Variants in MAST4 observed in about 807,000 individuals in gnomAD.
The protein encoded by MAST4 is microtubule-associated serine/threonine-protein kinase 4.
Under a neutral mutation model 162.7 loss-of-function variants are expected in MAST4, and 89 were observed. The observed-to-expected ratio is 0.55, with a 90% CI of 0.46 to 0.65. The LOEUF (loss-of-function observed/expected upper bound fraction) is 0.65, where lower values mean the gene tolerates loss of function less well. MAST4 is among the 30% of genes least tolerant of loss of function. The pLI is 0.00. For synonymous variants in MAST4, 1,479 were observed against 1,361.1 expected (o/e 1.09, Z -1.91); for missense variants, 3,153 against 3,374.0 (o/e 0.93, Z 1.62).
chr5:66,865,444 A>G (rs1185941923), intron 3 of MAST4, among the ~76,000 whole-genome samples: 1 of 152,222 alleles, frequency 6.6e-6, no homozygotes, highest in East Asian at 1.9e-4. Context: ...ATATTTTTAA[A>G]TATGTATAAG....
intron 1 of MAST4, among the ~76,000 whole-genome samples, chr5:66,633,137 C>G (rs1018131999): frequency 6.6e-6 from 1 of 152,162 alleles, no homozygotes; most frequent in Non-Finnish European, 1.5e-5. Flanking sequence ...GGCTCAAATA[C>G]CCCAGTTTGA....
At chr5:66,673,853 T>G (rs970343787) in intron 1 of MAST4, among the ~76,000 whole-genome samples, 3 of 152,218 alleles carry the variant, frequency 2.0e-5, no homozygotes, top group African/African-American at 7.2e-5. Flanking sequence ...ATGGAAAGTT[T>G]TAATTTCCTT....
At chr5:66,817,878 G>A (rs894400876) in intron 3 of MAST4, among the ~76,000 whole-genome samples, 10 of 152,124 alleles carry the variant, frequency 6.6e-5, no homozygotes, top group African/African-American at 2.4e-4. Flanking sequence ...TGATTTTTAA[G>A]GATAATGTGC....
At chr5:66,656,182 C>T (rs2149454022) in intron 1 of MAST4, among the ~76,000 whole-genome samples, 1 of 152,294 alleles carries the variant, frequency 6.6e-6, no homozygotes, top group African/African-American at 2.4e-5. Context: ...GCTGGAAGAC[C>T]TTTCTGCTCT....
chr5:66,678,964 G>C (rs1412223050), intron 1 of MAST4, among the ~76,000 whole-genome samples: 2 of 152,130 alleles, frequency 1.3e-5, no homozygotes, highest in Non-Finnish European at 2.9e-5. Flanking sequence ...GGTAATTTTT[G>C]TATTTTTAAT....
chr5:66,962,957 C>T (rs1297697085), intron 4 of MAST4, among the ~76,000 whole-genome samples: 2 of 151,434 alleles, frequency 1.3e-5, no homozygotes, highest in African/African-American at 4.9e-5. Context: ...AAAAAAGAGA[C>T]ATGAGGCCAG....
chr5:67,026,256 A>G (rs541325160), intron 4 of MAST4, among the ~76,000 whole-genome samples: 1 of 152,330 alleles, frequency 6.6e-6, no homozygotes, highest in African/African-American at 2.4e-5. Context: ...CTTCGATGCT[A>G]CATTTTAGAG....
rs146316031 is a variant in MAST4, at chr5:67,160,241, C to A, written c.3649-215C>A. ...TTGGATTTGAACTCAGATCTGTGGA[C>A]TCCAGAACTCACCCTCGTAAAGAAA... On this transcript the variant is annotated intron_variant, in intron 26 of 28. Transcript: ENST00000403625. Among the ~76,000 whole-genome samples, 803 of 152,326 alleles carry A rather than the reference C, an allele frequency of 5.3e-3. 5 individuals are homozygous for A. The highest frequency in any genetic ancestry group is 0.019 in the African/African-American group (770 of 41,572).
chr5:66,903,577 A>G (rs943543983), intron 4 of MAST4, among the ~76,000 whole-genome samples: 5 of 152,152 alleles, frequency 3.3e-5, no homozygotes, highest in Middle Eastern at 3.2e-3. Flanking sequence ...CCAGAACATC[A>G]TAGAAAAAAT....
intron 1 of MAST4, among the ~76,000 whole-genome samples, chr5:66,604,486 A>G (rs1466118249): frequency 6.6e-6 from 1 of 152,234 alleles, no homozygotes; most frequent in Non-Finnish European, 1.5e-5. Context: ...AACTAATTTT[A>G]TAGGCTATCA....
At chr5:66,874,564 C>CA (rs1761164577) in intron 3 of MAST4, among the ~76,000 whole-genome samples, 1 of 152,164 alleles carries the variant, frequency 6.6e-6, no homozygotes, top group Non-Finnish European at 1.5e-5. Flanking sequence ...TGATCAATTT[C>CA]AAAACCCGAA....
intron 3 of MAST4, among the ~76,000 whole-genome samples, chr5:66,845,523 A>G (rs1394788667): frequency 2.6e-5 from 4 of 152,110 alleles, no homozygotes; most frequent in Non-Finnish European, 4.4e-5. Context: ...ATTGATGGAC[A>G]TTTGGGTTGG....
Position 67,163,235 on chromosome 5 carries a change from C to T in MAST4, c.4056C>T (p.His1352=), listed in dbSNP as rs1319485050. ...GGCACATCCGGCCCAGCACTCTCCA[C>T]GGTCTTGCACCCAAACTCGGCGGGC... ...GSGHIRPSTL[H]GLAPKLGGQR... Residue 1352 remains histidine, a synonymous_variant, in exon 29 of 29, where the codon CAC becomes CAT. Coordinates refer to ENST00000403625, the MANE Select transcript of MAST4 (RefSeq NM_001164664.2). The surrounding 1 kb of genome is among the most constrained non-coding windows in gnomAD (Gnocchi z 7.0). The T allele has an allele frequency of 9.3e-6, 15 of 1,613,888 alleles. No individual in the cohort carries two copies. The highest frequency in any genetic ancestry group is 2.2e-5 in the East Asian group (1 of 44,848).
At position 67,164,059 on chromosome 5, in the gene MAST4, C is replaced by T. The variant is rs1554031866; in HGVS notation, c.4880C>T (p.Ala1627Val). ...GCGATGTCGGATGGCCGGGTGCCTG[C>T]GGAGCACCGCCAGGGTGGCGGGGAC... ...EGAMSDGRVP[A>V]EHRQGGGDFR... is the part of the protein sequence containing the mutation. The change falls in exon 29 of 29, where the codon GCG becomes GTG. Residue 1627 changes from alanine (A) to valine (V), a missense_variant. Physicochemically the swap from Ala to Val is moderately conservative, Grantham distance 64. This residue lies in a region of MAST4 where 1,644 missense variants were observed against 1,495.0 expected (regional missense o/e 1.10). Transcript: ENST00000403625. The surrounding 1 kb of genome is among the most constrained non-coding windows in gnomAD (Gnocchi z 5.3). 9 of 1,567,780 alleles carry T rather than the reference C, an allele frequency of 5.7e-6. No individual in the cohort carries two copies. In the South Asian group the frequency reaches 8.2e-5, roughly 14 times the overall value.
rs144481111 is a variant in MAST4 at position 66,785,861 on chromosome 5, GTAT to G, written c.518-2795_518-2793del. ...GACAGTCTAATAATTATTTTGTTTTGTATTATTATTATTATTTTATTTCTTGAG... is the reference window on the plus strand; with the variant it reads ...GACAGTCTAATAATTATTTTGTTTTGTATTATTATTATTTTATTTCTTGAG... On this transcript the variant is annotated intron_variant, in intron 2 of 28. Transcript: ENST00000403625. 4.5e-3 allele frequency among the ~76,000 whole-genome samples: 690 copies of G among 152,076 alleles called. 6 individuals are homozygous for G. The highest frequency in any genetic ancestry group is 0.016 in the African/African-American group (671 of 41,488).
intron 1 of MAST4, among the ~76,000 whole-genome samples, chr5:66,622,035 A>C (rs1744109048): frequency 6.6e-6 from 1 of 151,930 alleles, no homozygotes; most frequent in South Asian, 2.1e-4. Context: ...GCCAGATTTG[A>C]CCCACAGTCC....
chr5:66,948,761 A>C (rs1355021874), intron 4 of MAST4, among the ~76,000 whole-genome samples: 1 of 152,154 alleles, frequency 6.6e-6, no homozygotes, highest in Non-Finnish European at 1.5e-5. Flanking sequence ...CTCCCAGTTG[A>C]ATTTAACACC....
chr5:66,902,790 T>G, intron 4 of MAST4: 1 of 422,228 alleles, frequency 2.4e-6, no homozygotes, highest in Non-Finnish European at 4.8e-6. Context: ...CAGCTGGATT[T>G]TAGCTATTTC....
At chr5:67,080,019 C>T (rs1561624385) in intron 5 of MAST4, among the ~76,000 whole-genome samples, 3 of 152,192 alleles carry the variant, frequency 2.0e-5, no homozygotes, top group Non-Finnish European at 4.4e-5. Context: ...GCCTTAGAGT[C>T]GTCACACCTG....
Sources: allele counts gnomAD v4.1 joint callset (sites outside exome capture counted in the v4.1 genomes callset), GRCh38; gene constraint gnomAD v4.1.1; regional missense constraint gnomAD v4.1.1; non-coding constraint Gnocchi (gnomAD v3.1); transcripts MANE v1.5; gene names NCBI Gene and HGNC (gene_info 2026-07-23, HGNC 2026-07-21).